The following CHST9 variants were observed in gnomAD, a reference collection of about 807,000 sequenced individuals.
CHST9 encodes the protein GalNAc-4-sulfotransferase 2.
Under a neutral mutation model 44.4 loss-of-function variants are expected in CHST9, and 41 were observed. The observed-to-expected ratio is 0.92, with a 90% confidence interval of 0.72 to 1.20. The LOEUF is 1.20. Among genes scored for constraint, CHST9 ranks in the 50% most tolerant of loss-of-function variants. CHST9 has a pLI of 0.00. For synonymous variants in CHST9, 171 were observed against 178.4 expected (o/e 0.96, Z 0.33); for missense variants, 504 against 516.5 (o/e 0.98, Z 0.23).
At chr18:27,058,196 T>C (rs1213712685) in intron 2 of CHST9, among the ~76,000 whole-genome samples, 2 of 152,232 alleles carry the variant, frequency 1.3e-5, no homozygotes, top group African/African-American at 4.8e-5. Context: ...AAAGGAGGGA[T>C]GTGAGCATTT....
At chr18:26,964,740 A>T (rs2056443616) in intron 4 of CHST9, among the ~76,000 whole-genome samples, 1 of 152,250 alleles carries the variant, frequency 6.6e-6, no homozygotes, top group South Asian at 2.1e-4. Flanking sequence ...GTGGGAAAGG[A>T]TGGAAAACAC....
At chr18:27,137,407 A>G (rs2058525468) in intron 2 of CHST9, among the ~76,000 whole-genome samples, 1 of 151,388 alleles carries the variant, frequency 6.6e-6, no homozygotes, top group Admixed American at 6.6e-5. Flanking sequence ...GGGTGATCAA[A>G]GAAGGTGACA....
intron 2 of CHST9, among the ~76,000 whole-genome samples, chr18:27,071,984 C>T (rs1038119787): frequency 8.5e-5 from 13 of 152,238 alleles, no homozygotes; most frequent in African/African-American, 2.6e-4. Context: ...TTCTATTTGA[C>T]GGTGATGCTG....
intron 5 of CHST9, among the ~76,000 whole-genome samples, chr18:26,927,938 C>T (rs232335): frequency 7.2e-5 from 11 of 151,868 alleles, no homozygotes; most frequent in Middle Eastern, 3.2e-3. Flanking sequence ...AGGTCCCTGC[C>T]GCCTTCCGTG....
At chr18:26,995,566 G>A (rs957636258) in intron 4 of CHST9, among the ~76,000 whole-genome samples, 1 of 152,136 alleles carries the variant, frequency 6.6e-6, no homozygotes, top group Non-Finnish European at 1.5e-5. Context: ...GTTTTCAGCT[G>A]CTAAATGTTG....
At chr18:27,087,039 G>C (rs966072043) in intron 2 of CHST9, among the ~76,000 whole-genome samples, 4 of 152,112 alleles carry the variant, frequency 2.6e-5, no homozygotes, top group Non-Finnish European at 1.5e-5. Context: ...AGCAAGAATT[G>C]AAGTGTGTGT....
At chr18:27,160,880 T>G (rs183233556) in intron 1 of CHST9, among the ~76,000 whole-genome samples, 8 of 152,334 alleles carry the variant, frequency 5.3e-5, no homozygotes, top group Admixed American at 5.2e-4. Flanking sequence ...TCTTCTAGAT[T>G]TTCTAGTTTA....
chr18:26,916,528 T>C lies in CHST9; in HGVS notation c.1063A>G (p.Lys355Glu), dbSNP rs1707425281. ...GMDIHWEKVS[K>E]LCYPCLINYD... ...TTGATCAAACACGGATAGCAGAGTT[T>C]GCTGACCTTTTCCCAGTGAATGTCC... The change falls in exon 6 of 6, where the codon AAA becomes GAA. Residue 355 changes from lysine (K) to glutamate (E), a missense_variant. Physicochemically the swap from Lys to Glu is moderately conservative, Grantham distance 56. Coordinates refer to ENST00000618847, the MANE Select transcript of CHST9 (RefSeq NM_031422.6). The C allele has an allele frequency of 6.2e-7, 1 of 1,613,878 alleles. No individual in the cohort carries two copies. The highest frequency in any genetic ancestry group is 8.5e-7 in the Non-Finnish European group (1 of 1,179,796).
intron 2 of CHST9, among the ~76,000 whole-genome samples, chr18:27,142,338 A>C (rs1567935513): frequency 6.6e-6 from 1 of 152,236 alleles, no homozygotes; most frequent in Admixed American, 6.5e-5. Context: ...GCTGCTGTAC[A>C]TTCAGGGCCT....
At chr18:27,088,465 G>A (rs905662290) in intron 2 of CHST9, among the ~76,000 whole-genome samples, 3 of 151,316 alleles carry the variant, frequency 2.0e-5, no homozygotes, top group East Asian at 3.9e-4. Context: ...CGCGATCTCG[G>A]CTCACTGCAA....
intron 5 of CHST9, among the ~76,000 whole-genome samples, chr18:26,938,721 G>A (rs1266662216): frequency 6.6e-6 from 1 of 152,152 alleles, no homozygotes; most frequent in Non-Finnish European, 1.5e-5. Flanking sequence ...TATGGATATG[G>A]ACATACAGGT....
rs2055449512 is a variant in CHST9 at position 26,912,232 on chromosome 18, A to C, written c.*4027T>G. On this transcript the variant is annotated 3_prime_UTR_variant, in exon 6 of 6. Transcript: ENST00000618847. ...GGGACTATTTTTTCTTCTTAAAAAC[A>C]TTGTTTCCATGATTAACTAAGGATT... is the stretch of plus-strand genomic sequence containing the variant. 6.6e-6 allele frequency: 1 copy of C among 152,190 alleles called. No homozygotes were observed. Among genetic ancestry groups the C allele is most frequent in the South Asian group, 2.1e-4 (1 of 4,832 alleles). 9.4% of individuals were successfully genotyped at this position (152,190 alleles called of 1,614,324 possible). A position where few individuals can be genotyped will look rare whatever the true frequency, so the allele number is the denominator to read the frequency against.
intron 2 of CHST9, among the ~76,000 whole-genome samples, chr18:27,085,020 G>A (rs532725719): frequency 2.8e-4 from 43 of 152,050 alleles, no homozygotes; most frequent in Admixed American, 1.8e-3. Context: ...TGGTTGGTAC[G>A]ATTTTGGTTC....
At chr18:27,076,073 A>G (rs547238607) in intron 2 of CHST9, among the ~76,000 whole-genome samples, 1 of 152,350 alleles carries the variant, frequency 6.6e-6, no homozygotes, top group South Asian at 2.1e-4. Flanking sequence ...TTCAAAGCAC[A>G]TGGTATCCAG....
At chr18:27,102,521 TA>T (rs1385985384) in intron 2 of CHST9, among the ~76,000 whole-genome samples, 1 of 152,242 alleles carries the variant, frequency 6.6e-6, no homozygotes, top group Admixed American at 6.5e-5. Context: ...TCCTAAATGA[TA>T]AATTTTTCTA....
chr18:27,159,592 G>A (rs903791778), intron 1 of CHST9, among the ~76,000 whole-genome samples: 1 of 152,126 alleles, frequency 6.6e-6, no homozygotes, highest in Non-Finnish European at 1.5e-5. Context: ...GGCAATGCAG[G>A]CTCGTTTTTG....
intron 1 of CHST9, among the ~76,000 whole-genome samples, chr18:27,173,865 G>A (rs1432553884): frequency 6.6e-6 from 1 of 151,888 alleles, no homozygotes; most frequent in Non-Finnish European, 1.5e-5. Context: ...AATATAACAA[G>A]TGGCATATAA....
At chr18:27,010,526 G>C (rs2057070809) in intron 4 of CHST9, among the ~76,000 whole-genome samples, 1 of 152,186 alleles carries the variant, frequency 6.6e-6, no homozygotes, top group Non-Finnish European at 1.5e-5. Context: ...CTGCCCTACA[G>C]CCTCGAACTT....
intron 4 of CHST9, among the ~76,000 whole-genome samples, chr18:26,985,162 C>G (rs1411574628): frequency 1.3e-5 from 2 of 152,114 alleles, no homozygotes; most frequent in African/African-American, 2.4e-5. Flanking sequence ...CACAGAGCAA[C>G]AAGAATGAAT....
Sources: allele counts gnomAD v4.1 joint callset (sites outside exome capture counted in the v4.1 genomes callset), GRCh38; gene constraint gnomAD v4.1.1; transcripts MANE v1.5; gene names NCBI Gene and HGNC (gene_info 2026-07-23, HGNC 2026-07-21).